Variants in ZBTB44 observed in about 807,000 individuals in gnomAD.
ZBTB44 encodes the protein zinc finger and BTB domain containing 44, also known as zinc finger and BTB domain-containing protein 44.
ZBTB44 carries 15 observed loss-of-function variants against 54.0 expected under a neutral mutation model. The observed-to-expected ratio is 0.28, with a 90% CI of 0.19 to 0.43. The LOEUF (loss-of-function observed/expected upper bound fraction) is 0.43, where lower values mean the gene tolerates loss of function less well. Among genes scored for constraint, ZBTB44 ranks in the 20% least tolerant of loss-of-function variants. The probability of loss-of-function intolerance (pLI) is 1.00; values close to 1 mark genes in which losing one functional copy is unlikely to be tolerated. For missense variants in ZBTB44, 487 were observed against 707.1 expected (o/e 0.69, Z 3.53); for synonymous variants, 230 against 250.1 (o/e 0.92, Z 0.76).
At chr11:130,259,929 G>A (rs1029983836) in intron 2 of ZBTB44, among the ~76,000 whole-genome samples, 4 of 151,190 alleles carry the variant, frequency 2.6e-5, no homozygotes, top group African/African-American at 9.7e-5. Flanking sequence ...TTCTGCACAT[G>A]TACCCCAGAA....
chr11:130,296,970 T>C, intron 1 of ZBTB44: 4 of 746,794 alleles, frequency 5.4e-6, no homozygotes, highest in South Asian at 4.3e-5. Flanking sequence ...TGGATTTGAC[T>C]ACCAGAAAAT....
intron 1 of ZBTB44, among the ~76,000 whole-genome samples, chr11:130,287,237 T>G (rs1470510703): frequency 6.6e-6 from 1 of 152,178 alleles, no homozygotes; most frequent in Non-Finnish European, 1.5e-5. Flanking sequence ...CCATCAAAAC[T>G]GGGTATCATC....
chr11:130,265,231 T>G (rs973424751), intron 1 of ZBTB44, among the ~76,000 whole-genome samples: 4 of 152,212 alleles, frequency 2.6e-5, no homozygotes, highest in African/African-American at 9.6e-5. Flanking sequence ...GTTTCTCACT[T>G]TATTTTTTTT....
chr11:130,298,629 C>T (rs1458523191), intron 1 of ZBTB44, among the ~76,000 whole-genome samples: 2 of 151,372 alleles, frequency 1.3e-5, no homozygotes, highest in African/African-American at 2.4e-5. Flanking sequence ...CGCCTGGCCA[C>T]TTTTTGTATT....
At chr11:130,237,640 A>G (rs1954163264) in intron 4 of ZBTB44, among the ~76,000 whole-genome samples, 2 of 152,234 alleles carry the variant, frequency 1.3e-5, no homozygotes, top group Admixed American at 6.5e-5. Flanking sequence ...AATGAGTTAT[A>G]AAGTGTATTA....
At chr11:130,250,584 C>G (rs943822795) in intron 2 of ZBTB44, among the ~76,000 whole-genome samples, 4 of 152,174 alleles carry the variant, frequency 2.6e-5, no homozygotes, top group African/African-American at 9.6e-5. Context: ...GAGGAAGCAG[C>G]AGGCAGCAAT....
intron 5 of ZBTB44, chr11:130,236,135 C>G: frequency 7.8e-7 from 1 of 1,286,522 alleles, no homozygotes; most frequent in Non-Finnish European, 1.0e-6. Flanking sequence ...AAGTTTCAAG[C>G]TTTTTCATGT....
At chr11:130,285,691 G>T in intron 1 of ZBTB44, 1 of 270,332 alleles carries the variant, frequency 3.7e-6, no homozygotes, top group South Asian at 5.2e-5. Flanking sequence ...CTTTTCTCTT[G>T]AATAGTTTGT....
intron 1 of ZBTB44, among the ~76,000 whole-genome samples, chr11:130,283,651 GA>G (rs1159453517): frequency 6.6e-6 from 1 of 151,888 alleles, no homozygotes; most frequent in Non-Finnish European, 1.5e-5. Context: ...AAGGCATCTT[GA>G]TTTTTTTTCT....
At position 130,241,003 on chromosome 11, in the gene ZBTB44, T is replaced by C. The variant is rs146835727; in HGVS notation, c.1019-1107A>G. On this transcript the variant is annotated intron_variant, in intron 2 of 7. Coordinates refer to ENST00000357899, the MANE Select transcript of ZBTB44 (RefSeq NM_001301098.2). ...CTGTTTTATATAAACCGGGTCATAC[T>C]ATATGTATTCTTTTGTCTTGCTTCT... Among the ~76,000 whole-genome samples, 1,177 of 152,362 alleles carry C rather than the reference T, an allele frequency of 7.7e-3. 8 individuals are homozygous for C. Among genetic ancestry groups the C allele is most frequent in the African/African-American group, 0.018 (760 of 41,586 alleles).
chr11:130,260,433 T>C lies in ZBTB44; in HGVS notation c.1018+423A>G, dbSNP rs375571030. Among the ~76,000 whole-genome samples the C allele has an allele frequency of 1.1e-4, 17 of 152,378 alleles. No homozygotes were observed. In the South Asian group the frequency reaches 1.4e-3, roughly 13 times the overall value. ...TGTTCACACCTCCAGATGAGCACTT[T>C]TGATAGTTCACTGTAATCATTTACT... On this transcript the variant is annotated intron_variant, in intron 2 of 7. Transcript: ENST00000357899.
intron 1 of ZBTB44, among the ~76,000 whole-genome samples, chr11:130,293,156 C>A (rs1452342979): frequency 6.6e-6 from 1 of 151,952 alleles, no homozygotes; most frequent in Non-Finnish European, 1.5e-5. Flanking sequence ...ACTACTTTAT[C>A]TGAGTTGTAA....
At chr11:130,255,643 C>T (rs113829758) in intron 2 of ZBTB44, among the ~76,000 whole-genome samples, 9,501 of 151,978 alleles carry the variant, frequency 0.063, 737 homozygotes, top group African/African-American at 0.18. Flanking sequence ...ACAAAATAGA[C>T]AGACTGCTAA....
At chr11:130,277,173 C>A (rs1940167411) in intron 1 of ZBTB44, among the ~76,000 whole-genome samples, 1 of 152,162 alleles carries the variant, frequency 6.6e-6, no homozygotes, top group African/African-American at 2.4e-5. Flanking sequence ...AATTCTATGT[C>A]CCATGTCTGT....
intron 1 of ZBTB44, among the ~76,000 whole-genome samples, chr11:130,298,545 C>T (rs557452437): frequency 6.0e-5 from 9 of 150,292 alleles, no homozygotes; most frequent in Admixed American, 6.0e-4. Context: ...TCACTGCAAC[C>T]TTCAACTCCT....
intron 1 of ZBTB44, among the ~76,000 whole-genome samples, chr11:130,274,346 GC>G (rs1805128478): frequency 6.6e-6 from 1 of 152,110 alleles, no homozygotes; most frequent in Non-Finnish European, 1.5e-5. Context: ...CAAACTAGAT[GC>G]CTTTTATTTA....
chr11:130,244,396 A>T (rs1022960222), intron 2 of ZBTB44, among the ~76,000 whole-genome samples: 1 of 152,158 alleles, frequency 6.6e-6, no homozygotes, highest in African/African-American at 2.4e-5. Flanking sequence ...GGCCGGGTGC[A>T]GTGGCTCATG....
chr11:130,286,035 G>A (rs1253603380), intron 1 of ZBTB44, among the ~76,000 whole-genome samples: 2 of 152,324 alleles, frequency 1.3e-5, no homozygotes, highest in East Asian at 3.9e-4. Context: ...GTTCAAAGCA[G>A]TAAATCAACT....
intron 1 of ZBTB44, chr11:130,296,436 T>A (rs1418251579): frequency 7.5e-7 from 1 of 1,324,504 alleles, no homozygotes; most frequent in Non-Finnish European, 1.0e-6. Context: ...GCAAAATAAA[T>A]GTACGACCAC....
Sources: gnomAD v4.1 joint callset for allele counts (sites outside exome capture counted in the v4.1 genomes callset) on GRCh38, gnomAD v4.1.1 for gene constraint, MANE v1.5 for transcripts, NCBI Gene and HGNC (gene_info 2026-07-23, HGNC 2026-07-21) for gene names.